RNF125: variants seen among roughly 807,000 people sequenced by gnomAD.
RNF125 encodes the protein ring finger protein 125.
In RNF125, 21 loss-of-function variants were observed where a neutral mutation model predicts 26.0. The ratio of observed to expected loss-of-function variants is 0.81; its 90% CI spans 0.57 to 1.16. RNF125 has a LOEUF of 1.16. RNF125 is among the 50% of genes most tolerant of loss of function. RNF125 has a pLI of 0.00. For missense variants in RNF125, 270 were observed against 299.4 expected (o/e 0.90, Z 0.72); for synonymous variants, 95 against 109.2 (o/e 0.87, Z 0.81).
intron 1 of RNF125, among the ~76,000 whole-genome samples, chr18:32,027,480 A>G (rs7231175): frequency 6.6e-6 from 1 of 152,086 alleles, no homozygotes; most frequent in African/African-American, 2.4e-5. Context: ...AAACCAATAC[A>G]AGAACTAATT....
downstream of RNF125, among the ~76,000 whole-genome samples, chr18:32,077,547 G>C (rs1274114579): frequency 6.6e-6 from 1 of 151,778 alleles, no homozygotes; most frequent in Non-Finnish European, 1.5e-5. Context: ...TTTTAGCAGA[G>C]GCAGTGTTTC....
At chr18:32,076,673 A>G (rs1382075225), downstream of RNF125, among the ~76,000 whole-genome samples, 1 of 151,888 alleles carries the variant, frequency 6.6e-6, no homozygotes. Flanking sequence ...GCCCTTCACA[A>G]CCTGGTCCCT....
the RNF125 span, among the ~76,000 whole-genome samples, chr18:32,082,374 A>G: frequency 1.2e-4 from 19 of 152,094 alleles, 2 homozygotes; most frequent in Non-Finnish European, 1.5e-5. Context: ...TATATATTAT[A>G]TTTGTATTTA....
At chr18:32,049,770 G>A (rs1160489381) in intron 4 of RNF125, among the ~76,000 whole-genome samples, 2 of 152,132 alleles carry the variant, frequency 1.3e-5, no homozygotes, top group African/African-American at 4.8e-5. Context: ...GGTGTCCTGT[G>A]TTAGTGTTTC....
At chr18:32,076,342 G>T, downstream of RNF125, 2 of 279,260 alleles carry the variant, frequency 7.2e-6, no homozygotes, top group Non-Finnish European at 1.4e-5. Flanking sequence ...TTTGAAACAG[G>T]GTCTCACTCT....
intron 4 of RNF125, among the ~76,000 whole-genome samples, chr18:32,056,119 T>C (rs1054582670): frequency 2.0e-5 from 3 of 152,300 alleles, no homozygotes; most frequent in African/African-American, 4.8e-5. Flanking sequence ...TATAGGACTT[T>C]TTTTTTCCTG....
chr18:32,029,794 G>A (rs560544800), intron 1 of RNF125, among the ~76,000 whole-genome samples: 1 of 152,254 alleles, frequency 6.6e-6, no homozygotes, highest in African/African-American at 2.4e-5. Context: ...TCATGAATGG[G>A]CCTGCTGAAT....
At chr18:32,073,494 G>A (rs180909502), downstream of RNF125, among the ~76,000 whole-genome samples, 38 of 152,236 alleles carry the variant, frequency 2.5e-4, 1 homozygote, top group East Asian at 3.9e-4. Flanking sequence ...ATTATCCTGC[G>A]CAAAATGGCA....
intron 4 of RNF125, among the ~76,000 whole-genome samples, chr18:32,065,697 T>G (rs1403701422): frequency 6.6e-6 from 1 of 152,134 alleles, no homozygotes; most frequent in Non-Finnish European, 1.5e-5. Context: ...CACGCCCAGC[T>G]AATTTTTGTA....
Position 32,037,098 on chromosome 18 carries a change from T to G in RNF125, c.165-18T>G. Reference sequence around the variant, plus strand: ...AGCTTTCAAGGAAAGTGATGTATTTTTGGTCTGTTTGGGGTAGATTCTGCC... The same window carrying G: ...AGCTTTCAAGGAAAGTGATGTATTTGTGGTCTGTTTGGGGTAGATTCTGCC... On this transcript the variant is annotated intron_variant, in intron 1 of 5. Transcript: ENST00000217740. 6.3e-7 allele frequency: 1 copy of G among 1,577,718 alleles called. No homozygotes were observed. Among genetic ancestry groups the G allele is most frequent in the Non-Finnish European group, 8.6e-7 (1 of 1,166,982 alleles).
chr18:32,039,481 A>G (rs1568197909), intron 2 of RNF125, among the ~76,000 whole-genome samples: 1 of 151,860 alleles, frequency 6.6e-6, no homozygotes, highest in Non-Finnish European at 1.5e-5. Context: ...TATATGTGAT[A>G]TATATATAAC....
In RNF125 at chr18:32,069,292, C is replaced by A. The variant is rs1290897962; in HGVS notation, c.*908C>A. 1 of 151,112 alleles carries A rather than the reference C, an allele frequency of 6.6e-6. No homozygotes were observed. The highest frequency in any genetic ancestry group is 2.4e-5 in the African/African-American group (1 of 41,086). The allele number at this position is 151,112 out of a possible 1,614,324, so 9.4% of individuals were successfully genotyped here. On this transcript the variant is annotated 3_prime_UTR_variant, in exon 6 of 6. Coordinates refer to ENST00000217740, the MANE Select transcript of RNF125 (RefSeq NM_017831.4). ...TTGTGTTAGAAAAGTATACTTAATT[C>A]TTTGACTTTTTATAACTGCATACAT...
chr18:32,047,914 C>T (rs2039286976), intron 4 of RNF125, among the ~76,000 whole-genome samples: 1 of 152,058 alleles, frequency 6.6e-6, no homozygotes, highest in African/African-American at 2.4e-5. Flanking sequence ...TACTTGAGGC[C>T]AAGAGTTCGA....
In RNF125 at chr18:32,020,002, C is replaced by CTGTGTGTGTG. The variant is rs149126113; in HGVS notation, c.164+997_164+1006dup. On this transcript the variant is annotated intron_variant, in intron 1 of 5. Transcript: ENST00000217740. Reference sequence around the variant, plus strand: ...GCTGTGAATTTGTGCTCTCTGTTTACTGTGTGTGTGTGTGTGTGTGTGTGT... The same window carrying CTGTGTGTGTG: ...GCTGTGAATTTGTGCTCTCTGTTTACTGTGTGTGTGTGTGTGTGTGTGTGTGTGTGTGTGT... Among the ~76,000 whole-genome samples the CTGTGTGTGTG allele has an allele frequency of 1.7e-3, 262 of 150,002 alleles. 1 individual carries two copies. Among genetic ancestry groups the CTGTGTGTGTG allele is most frequent in the Middle Eastern group, 6.8e-3 (2 of 294 alleles).
chr18:32,018,885 G>A lies in RNF125; in HGVS notation c.22G>A (p.Asp8Asn), dbSNP rs2038956591. Residue 8 changes from aspartate to asparagine, a missense_variant, in exon 1 of 6, where the codon GAC (aspartate) becomes AAC (asparagine). Transcript: ENST00000217740. MGSVLST[D>N]SGKSAPASAT... ...AGCGATGGGCTCCGTGCTGAGCACC[G>A]ACAGCGGCAAATCGGCGCCCGCCTC... 2.5e-6 allele frequency: 4 copies of A among 1,593,014 alleles called. No individual in the cohort carries two copies. Among genetic ancestry groups the A allele is most frequent in the Non-Finnish European group, 2.6e-6 (3 of 1,170,176 alleles).
chr18:32,019,898 TAAG>T (rs2038969525), intron 1 of RNF125, among the ~76,000 whole-genome samples: 1 of 152,224 alleles, frequency 6.6e-6, no homozygotes, highest in African/African-American at 2.4e-5. Flanking sequence ...TGGTCGTTTC[TAAG>T]AAGAATTTAA....
intron 4 of RNF125, among the ~76,000 whole-genome samples, chr18:32,050,691 G>A (rs1169882113): frequency 6.6e-6 from 1 of 151,806 alleles, no homozygotes; most frequent in Non-Finnish European, 1.5e-5. Flanking sequence ...CTCGAAGGAA[G>A]CAGGTGACAC....
chr18:32,078,264 G>A, the RNF125 span, among the ~76,000 whole-genome samples: 1 of 151,998 alleles, frequency 6.6e-6, no homozygotes, highest in Non-Finnish European at 1.5e-5. Flanking sequence ...TTCTACATCT[G>A]GAAATATTTC....
At chr18:32,040,846 A>G (rs1351900161) in intron 2 of RNF125, among the ~76,000 whole-genome samples, 1 of 152,196 alleles carries the variant, frequency 6.6e-6, no homozygotes, top group East Asian at 1.9e-4. Context: ...AGAGAACCCT[A>G]ATGTGCAAAG....
Sources: allele counts gnomAD v4.1 joint callset (sites outside exome capture counted in the v4.1 genomes callset), GRCh38; gene constraint gnomAD v4.1.1; transcripts MANE v1.5; gene names NCBI Gene and HGNC (gene_info 2026-07-23, HGNC 2026-07-21).